Variants in FARS2 observed in about 807,000 individuals in gnomAD.
FARS2 encodes phenylalanine--tRNA ligase, mitochondrial.
Under a neutral mutation model 46.4 loss-of-function variants are expected in FARS2, and 40 were observed. That is an observed-to-expected ratio of 0.86 (90% CI 0.67 to 1.12). The LOEUF is 1.12. FARS2 is among the 50% of genes most tolerant of loss of function. The pLI is 0.00. For synonymous variants in FARS2, 234 were observed against 214.9 expected (o/e 1.09, Z -0.78); for missense variants, 513 against 567.9 (o/e 0.90, Z 0.98).
At chr6:5,539,386 A>ATGTG (rs1561696484) in intron 4 of FARS2, among the ~76,000 whole-genome samples, 1 of 114,814 alleles carries the variant, frequency 8.7e-6, no homozygotes, top group African/African-American at 4.0e-5. Context: ...TTTTTTGTGT[A>ATGTG]TATATATATA....
intron 6 of FARS2, among the ~76,000 whole-genome samples, chr6:5,722,445 G>T (rs926697974): frequency 6.6e-6 from 1 of 152,194 alleles, no homozygotes; most frequent in Non-Finnish European, 1.5e-5. Flanking sequence ...AAAGCAGTGC[G>T]CTGTGACAGA....
chr6:5,364,889 G>A (rs1424745938), intron 1 of FARS2, among the ~76,000 whole-genome samples: 7 of 152,032 alleles, frequency 4.6e-5, no homozygotes, highest in African/African-American at 1.7e-4. Context: ...AAAGCTAGCC[G>A]GGCATAGTGG....
At chr6:5,390,064 A>G (rs1466210768) in intron 2 of FARS2, among the ~76,000 whole-genome samples, 3 of 152,210 alleles carry the variant, frequency 2.0e-5, no homozygotes, top group Non-Finnish European at 4.4e-5. Context: ...GGGTTTCACC[A>G]TGTTGGCCAG....
intron 4 of FARS2, among the ~76,000 whole-genome samples, chr6:5,489,248 G>A (rs1333976650): frequency 6.6e-6 from 1 of 152,136 alleles, no homozygotes; most frequent in Non-Finnish European, 1.5e-5. Flanking sequence ...GAGATCAGGA[G>A]TTTGAGACTA....
chr6:5,264,682 C>T (rs1159690825), intron 1 of FARS2, among the ~76,000 whole-genome samples: 1 of 152,022 alleles, frequency 6.6e-6, no homozygotes, highest in Non-Finnish European at 1.5e-5. Context: ...GTGGGGATTA[C>T]AGGCGTGAGC....
intron 4 of FARS2, among the ~76,000 whole-genome samples, chr6:5,462,588 A>C (rs868489513): frequency 1.3e-5 from 2 of 152,310 alleles, no homozygotes; most frequent in Middle Eastern, 3.4e-3. Flanking sequence ...TTCTAAATTC[A>C]TCTTTTTGAA....
chr6:5,548,903 T>G (rs1771199791), intron 5 of FARS2, among the ~76,000 whole-genome samples: 1 of 152,228 alleles, frequency 6.6e-6, no homozygotes, highest in African/African-American at 2.4e-5. Context: ...CATTCATATT[T>G]AGTATATGTT....
intron 6 of FARS2, among the ~76,000 whole-genome samples, chr6:5,737,094 G>A (rs1245883019): frequency 6.6e-6 from 1 of 152,166 alleles, no homozygotes; most frequent in Non-Finnish European, 1.5e-5. Flanking sequence ...TAGCAACACA[G>A]ATGACCCTGC....
At chr6:5,732,988 A>C (rs1474736644) in intron 6 of FARS2, among the ~76,000 whole-genome samples, 1 of 152,176 alleles carries the variant, frequency 6.6e-6, no homozygotes, top group Non-Finnish European at 1.5e-5. Context: ...GGTGGTGCCC[A>C]ACCCAACCTC....
intron 6 of FARS2, among the ~76,000 whole-genome samples, chr6:5,707,255 T>A (rs1205797263): frequency 6.6e-6 from 1 of 152,178 alleles, no homozygotes; most frequent in African/African-American, 2.4e-5. Context: ...TAAAAACGAC[T>A]CCTCGTTACC....
chr6:5,666,422 G>A (rs1778124101), intron 6 of FARS2, among the ~76,000 whole-genome samples: 1 of 152,136 alleles, frequency 6.6e-6, no homozygotes, highest in South Asian at 2.1e-4. Context: ...GTTCAAGTCA[G>A]GAGAGCAGCC....
intron 2 of FARS2, among the ~76,000 whole-genome samples, chr6:5,387,124 G>T (rs777718577): frequency 3.9e-5 from 6 of 152,104 alleles, no homozygotes; most frequent in Non-Finnish European, 8.8e-5. Flanking sequence ...AGGGAGTTTT[G>T]TTGGTTTGTT....
chr6:5,358,297 T>TTA (rs150604434), intron 1 of FARS2, among the ~76,000 whole-genome samples: 29,686 of 151,778 alleles, frequency 0.2, 3,393 homozygotes, highest in East Asian at 0.5. Context: ...TTAAAAACTG[T>TTA]TATATATATA....
intron 6 of FARS2, among the ~76,000 whole-genome samples, chr6:5,674,340 T>G (rs1195877297): frequency 6.6e-6 from 1 of 152,090 alleles, no homozygotes; most frequent in Non-Finnish European, 1.5e-5. Context: ...ACTGCCAACT[T>G]TCTTCATTTA....
chr6:5,539,521 C>T (rs533447551), intron 4 of FARS2, among the ~76,000 whole-genome samples: 8 of 151,550 alleles, frequency 5.3e-5, no homozygotes, highest in East Asian at 1.9e-4. Context: ...TGTGAGCTAC[C>T]GCACTCGGCC....
At chr6:5,296,160 G>C (rs1379561098) in intron 1 of FARS2, among the ~76,000 whole-genome samples, 1 of 25,222 alleles carries the variant, frequency 4.0e-5, no homozygotes, top group African/African-American at 1.9e-4. Flanking sequence ...TTTTTTTTTT[G>C]AGACGAAGTC....
chr6:5,624,233 G>C (rs1435266301), intron 6 of FARS2, among the ~76,000 whole-genome samples: 1 of 152,124 alleles, frequency 6.6e-6, no homozygotes, highest in Non-Finnish European at 1.5e-5. Flanking sequence ...CCTTCCCCAA[G>C]CTTTCTTTTA....
chr6:5,587,917 G>A (rs555874731), intron 5 of FARS2, among the ~76,000 whole-genome samples: 185 of 152,150 alleles, frequency 1.2e-3, no homozygotes, highest in African/African-American at 4.1e-3. Context: ...CTTTTAATAC[G>A]TGTTGTTTAA....
chr6:5,250,125 T>C, the FARS2 span, among the ~76,000 whole-genome samples: 7 of 152,178 alleles, frequency 4.6e-5, no homozygotes, highest in Admixed American at 3.9e-4. Flanking sequence ...CCTCATTTTC[T>C]TATATTCTCT....
Sources: allele counts gnomAD v4.1 joint callset (sites outside exome capture counted in the v4.1 genomes callset), GRCh38; gene constraint gnomAD v4.1.1; transcripts MANE v1.5; gene names NCBI Gene and HGNC (gene_info 2026-07-23, HGNC 2026-07-21).